Variants in DUS1L observed in about 807,000 individuals in gnomAD.
DUS1L encodes the protein tRNA-dihydrouridine(16/17) synthase [NAD(P)(+)]-like.
Under a neutral mutation model 61.2 loss-of-function variants are expected in DUS1L, and 56 were observed. The observed-to-expected ratio is 0.92, with a 90% CI of 0.74 to 1.14. The LOEUF (loss-of-function observed/expected upper bound fraction) is 1.14. Ranked by LOEUF, DUS1L falls within the 50% of genes most tolerant of loss-of-function variation. DUS1L has a pLI of 0.00. For synonymous variants in DUS1L, 278 were observed against 259.5 expected (o/e 1.07, Z -0.69); for missense variants, 630 against 632.4 (o/e 1.00, Z 0.04).
At position 82,061,997 on chromosome 17, in the gene DUS1L, G is replaced by C. The variant is rs1287354926; in HGVS notation, c.511-14C>G. 1.3e-6 allele frequency: 2 copies of C among 1,580,030 alleles called. No homozygotes were observed. The highest frequency in any genetic ancestry group is 3.5e-5 in the Admixed American group (2 of 57,700). ...CACCGTCAGCAACTAGGACAGAGCA[G>C]TGGTCGCTTGACCCCTCCAAGCCCC... On this transcript the variant is annotated splice_polypyrimidine_tract_variant and intron_variant, in intron 5 of 13. Transcript: ENST00000306796.
intron 11 of DUS1L, 97 bp downstream of exon 11, chr17:82,059,851 C>T (rs1568084997): frequency 6.5e-7 from 1 of 1,549,618 alleles, no homozygotes; most frequent in Non-Finnish European, 8.8e-7. Flanking sequence ...GGCCTTGAGC[C>T]TTGCTGACCA....
Position 82,064,926 on chromosome 17 carries a change from T to C in DUS1L, c.134A>G (p.Tyr45Cys). ...LSRRHGAQLC[Y>C]TPMLHAQVFV... ...GACCTGGGCATGCAGCATGGGCGTG[T>C]AGCAGAGCTGTGCCCCGTGGCGCCG... is the stretch of plus-strand genomic sequence containing the variant. The change falls in exon 2 of 14, where the codon TAC becomes TGC. Residue 45 changes from tyrosine to cysteine, a missense_variant. Physicochemically the swap from Tyr to Cys is radical, Grantham distance 194 (BLOSUM62 -2). Coordinates refer to ENST00000306796, the MANE Select transcript of DUS1L (RefSeq NM_022156.5). 1.2e-6 allele frequency: 2 copies of C among 1,612,634 alleles called. No homozygotes were observed. The highest frequency in any genetic ancestry group is 2.2e-5 in the South Asian group (2 of 91,074).
chr17:82,065,206 G>T, intron 1 of DUS1L, 137 bp from the exon 2 acceptor site: 1 of 746,520 alleles, frequency 1.3e-6, no homozygotes, highest in Non-Finnish European at 2.1e-6. Context: ...AAAGGCGGGG[G>T]TCGGTGCAGG....
intron 9 of DUS1L, 21 bp from the exon 10 acceptor site, chr17:82,060,804 G>C: frequency 6.2e-7 from 1 of 1,611,682 alleles, no homozygotes; most frequent in Non-Finnish European, 8.5e-7. Context: ...CCAAGGCCCT[G>C]GTCATGGCCC....
rs925248410 is a variant in DUS1L at position 82,065,752 on chromosome 17, G to T, written c.-150C>A. On this transcript the variant is annotated 5_prime_UTR_variant, in exon 1 of 14. Transcript: ENST00000306796. ...CCGGGGCGCCGCGAACGCCCGCACCGCGCCGGGGCCGCCGCCGGGCCGCAG... is the reference window on the plus strand; with the variant it reads ...CCGGGGCGCCGCGAACGCCCGCACCTCGCCGGGGCCGCCGCCGGGCCGCAG... 6.8e-6 allele frequency: 1 copy of T among 147,190 alleles called. No homozygotes were observed. The highest frequency in any genetic ancestry group is 2.4e-5 in the African/African-American group (1 of 40,848). The allele number at this position is 147,190 out of a possible 1,614,324, so 9.1% of individuals were successfully genotyped here. A position where few individuals can be genotyped will look rare whatever the true frequency, so the allele number is the denominator to read the frequency against.
chr17:82,060,613 G>C, intron 10 of DUS1L, 88 bp downstream of exon 10: 1 of 1,492,486 alleles, frequency 6.7e-7, no homozygotes, highest in South Asian at 1.2e-5. Context: ...AATGGCTGAG[G>C]ACAAGCAGGG....
Position 82,062,903 on chromosome 17 carries a change from C to T in DUS1L, c.468G>A (p.Lys156=), listed in dbSNP as rs759744727. The part of the protein sequence containing the change: ...CKIRVFPEID[K]TVRYAQMLEK... ...CCAGCATCTGGGCGTACCTCACGGT[C>T]TTGTCAATCTCCGGGAAGACACGGA... The change falls in exon 5 of 14, where the codon AAG becomes AAA. Residue 156 remains lysine (K), a synonymous_variant. Coordinates refer to ENST00000306796, the MANE Select transcript of DUS1L (RefSeq NM_022156.5). 1.2e-6 allele frequency: 2 copies of T among 1,612,970 alleles called. No homozygotes were observed. Among genetic ancestry groups the T allele is most frequent in the African/African-American group, 2.7e-5 (2 of 74,950 alleles).
intron 10 of DUS1L, 123 bp downstream of exon 10, chr17:82,060,578 C>G: frequency 7.7e-7 from 1 of 1,295,534 alleles, no homozygotes; most frequent in African/African-American, 1.5e-5. Context: ...TCCTCCTTTC[C>G]CTTGGGCAGG....
Position 82,058,804 on chromosome 17 carries a change from A to T in DUS1L, c.1183T>A (p.Cys395Ser). The T allele has an allele frequency of 6.2e-7, 1 of 1,613,370 alleles. No individual in the cohort carries two copies. The highest frequency in any genetic ancestry group is 8.5e-7 in the Non-Finnish European group (1 of 1,179,874). The change falls in exon 12 of 14, where the codon TGT becomes AGT. Residue 395 changes from cysteine (C) to serine (S), a missense_variant. Cys to Ser is a moderately radical substitution (Grantham distance 112). Transcript: ENST00000306796. ...ACCTTTGGGTTTCCACACTGGTCACACTTTGCATATTTTGCTAGGAAAAGA... is the reference window on the plus strand; with the variant it reads ...ACCTTTGGGTTTCCACACTGGTCACTCTTTGCATATTTTGCTAGGAAAAGA... ...DPSLKPKYAK[C>S]DQCGNPKGNR...
At position 82,065,038 on chromosome 17, in the gene DUS1L, C is replaced by CG; in HGVS notation, c.21dup (p.Glu8ArgfsTer77). ...CCTCGCAGGGTGCGGCTCCAGAACT[C>CG]GAAGCCCTGCAGCTTTGGCATCGTC... On this transcript the variant is annotated frameshift_variant, in exon 2 of 14. Coordinates refer to ENST00000306796, the MANE Select transcript of DUS1L (RefSeq NM_022156.5). LOFTEE classifies it high-confidence loss of function. The CG allele has an allele frequency of 6.2e-7, 1 of 1,602,294 alleles. No homozygotes were observed. Among genetic ancestry groups the CG allele is most frequent in the Non-Finnish European group, 8.5e-7 (1 of 1,173,548 alleles).
At chr17:82,059,807 C>T (rs1374475040) in intron 11 of DUS1L, 141 bp downstream of exon 11, 14 of 1,268,888 alleles carry the variant, frequency 1.1e-5, no homozygotes, top group Admixed American at 2.1e-5. Context: ...CTGACTACTC[C>T]GCCAAGCCCT....
Position 82,061,733 on chromosome 17 carries a change from G to A in DUS1L, c.594-12C>T, listed in dbSNP as rs763122848. The stretch of plus-strand genomic sequence containing the variant: ...TGGCCACAGCCTTCCTGTTGGCAGA[G>A]AAATGCCTGTTTCCACCCGCCCGGA... On this transcript the variant is annotated splice_polypyrimidine_tract_variant and intron_variant, in intron 6 of 13. Coordinates refer to ENST00000306796, the MANE Select transcript of DUS1L (RefSeq NM_022156.5). The A allele has an allele frequency of 3.2e-5, 52 of 1,612,228 alleles. No individual in the cohort carries two copies. Among genetic ancestry groups the A allele is most frequent in the Non-Finnish European group, 4.4e-5 (52 of 1,179,574 alleles).
Position 82,060,698 on chromosome 17 carries a change from C to T in DUS1L, c.1022+3G>A, listed in dbSNP as rs372833117. ...CCCCGCCCAGGGCTGGCTGGGCTCT[C>T]ACCCCGGCCGGATGTAGGGCTGGCA... On this transcript the variant is annotated splice_donor_region_variant and intron_variant, in intron 10 of 13. Coordinates refer to ENST00000306796, the MANE Select transcript of DUS1L (RefSeq NM_022156.5). 4.5e-5 allele frequency: 72 copies of T among 1,612,262 alleles called. No homozygotes were observed. Among genetic ancestry groups the T allele is most frequent in the Non-Finnish European group, 5.8e-5 (69 of 1,179,738 alleles).
rs1423599314 is a variant in DUS1L, at chr17:82,064,128, C to G, written c.344G>C (p.Arg115Thr). 1.2e-6 allele frequency: 2 copies of G among 1,611,722 alleles called. No homozygotes were observed. The highest frequency in any genetic ancestry group is 1.3e-5 in the African/African-American group (1 of 74,930). ...NLGCPQMIAKRGHYGAFLQDE... is the reference protein window; with the variant it reads ...NLGCPQMIAKTGHYGAFLQDE... ...CCCATGCTCCACATGGAGCTCACCT[C>G]TCTTGGCTATCATCTGTGGGCAGCC... is the stretch of plus-strand genomic sequence containing the variant. The change falls in exon 3 of 14, where the codon AGA becomes ACA. Residue 115 changes from arginine to threonine, a missense_variant and splice_region_variant. Physicochemically the swap from Arg to Thr is moderately conservative, Grantham distance 71. Transcript: ENST00000306796.
At chr17:82,061,587 G>C (rs1302605966) in intron 7 of DUS1L, 31 bp downstream of exon 7, 3 of 1,594,672 alleles carry the variant, frequency 1.9e-6, no homozygotes, top group Admixed American at 1.7e-5. Flanking sequence ...GTGTGCATGG[G>C]GCCCTGGCTG....
intron 10 of DUS1L, chr17:82,060,327 C>A: frequency 1.6e-6 from 1 of 614,540 alleles, no homozygotes; most frequent in South Asian, 2.2e-5. Flanking sequence ...CCACCAGCTC[C>A]AGGGAGGGCT....
At chr17:82,058,587 A>T (rs1300855161) in intron 12 of DUS1L, 171 bp from the exon 13 acceptor site, 8 of 1,453,508 alleles carry the variant, frequency 5.5e-6, no homozygotes, top group Non-Finnish European at 7.2e-6. Flanking sequence ...ACCCACCCAG[A>T]CTCTCTTCCC....
intron 11 of DUS1L, chr17:82,059,098 T>G: frequency 2.1e-6 from 1 of 486,880 alleles, no homozygotes; most frequent in Non-Finnish European, 3.8e-6. Context: ...TTATCTGTCC[T>G]ACCCCCAGGC....
At chr17:82,065,173 G>A (rs907519543) in intron 1 of DUS1L, 104 bp from the exon 2 acceptor site, 6 of 1,020,080 alleles carry the variant, frequency 5.9e-6, no homozygotes, top group Non-Finnish European at 8.4e-6. Context: ...CAGTACCACC[G>A]TTGGGTCACA....
Sources: allele counts gnomAD v4.1 joint callset, GRCh38; gene constraint gnomAD v4.1.1; transcripts MANE v1.5; gene names NCBI Gene and HGNC (gene_info 2026-07-23, HGNC 2026-07-21).